Variants in NUP93 observed in about 807,000 individuals in gnomAD.
NUP93 encodes the protein nuclear pore complex protein Nup93.
Under a neutral mutation model 107.8 loss-of-function variants are expected in NUP93, and 55 were observed. That is an observed-to-expected ratio of 0.51 (90% CI 0.41 to 0.64). The LOEUF (loss-of-function observed/expected upper bound fraction) is 0.64, where lower values mean the gene tolerates loss of function less well. Among genes scored for constraint, NUP93 ranks in the 30% least tolerant of loss-of-function variants. NUP93 has a pLI of 0.00. For missense variants in NUP93, 937 were observed against 1,044.7 expected (o/e 0.90, Z 1.42); for synonymous variants, 390 against 397.5 (o/e 0.98, Z 0.22).
intron 1 of NUP93, among the ~76,000 whole-genome samples, chr16:56,733,234 C>G (rs1200796844): frequency 6.6e-6 from 1 of 152,080 alleles, no homozygotes; most frequent in Non-Finnish European, 1.5e-5. Context: ...CCCTTTATAG[C>G]TCTGTCAAAA....
At chr16:56,763,026 T>A (rs966803257) in intron 3 of NUP93, among the ~76,000 whole-genome samples, 10 of 152,220 alleles carry the variant, frequency 6.6e-5, no homozygotes, top group African/African-American at 2.2e-4. Context: ...TAAGGTCATA[T>A]TTACAAGGAC....
chr16:56,733,070 A>AT (rs1961559013), intron 1 of NUP93, among the ~76,000 whole-genome samples: 1 of 152,106 alleles, frequency 6.6e-6, no homozygotes, highest in Admixed American at 6.5e-5. Flanking sequence ...AGGGTTGGGG[A>AT]TGTGTTATAG....
rs943690985 is a variant in NUP93, at chr16:56,798,558, T to C, written c.360+20T>C. On this transcript the variant is annotated intron_variant, in intron 4 of 21. Transcript: ENST00000308159. ...AAGAGGGTAAGAAAATTAACCAAAA[T>C]GTAGATGTATACAGATGAGGGCAAG... 6.2e-7 allele frequency: 1 copy of C among 1,604,232 alleles called. No homozygotes were observed.
intron 2 of NUP93, among the ~76,000 whole-genome samples, chr16:56,756,905 T>A (rs1596774592): frequency 6.6e-6 from 1 of 152,174 alleles, no homozygotes; most frequent in Non-Finnish European, 1.5e-5. Context: ...GATATTGAGC[T>A]TTTTTTCATA....
chr16:56,834,043 C>G, intron 13 of NUP93, 85 bp from the exon 14 acceptor site: 1 of 1,577,040 alleles, frequency 6.3e-7, no homozygotes, highest in Non-Finnish European at 8.7e-7. Flanking sequence ...GCTGCTGGGT[C>G]TGTGGATTCA....
At chr16:56,771,141 T>A (rs1224960012) in intron 3 of NUP93, among the ~76,000 whole-genome samples, 1 of 152,140 alleles carries the variant, frequency 6.6e-6, no homozygotes, top group East Asian at 1.9e-4. Flanking sequence ...TTTGGAAGAT[T>A]TAGGGGGAAG....
In NUP93 at chr16:56,825,205, C is replaced by CTT. The variant is rs34378384; in HGVS notation, c.794+1381_794+1382dup. Among the ~76,000 whole-genome samples, 723 of 76,278 alleles carry CTT rather than the reference C, an allele frequency of 9.5e-3. 8 individuals carry two copies. Among genetic ancestry groups the CTT allele is most frequent in the African/African-American group, 0.02 (379 of 18,510 alleles). The allele number at this position is 76,278 out of a possible 152,430, so 50.0% of individuals were successfully genotyped here. On this transcript the variant is annotated intron_variant, in intron 8 of 21. Transcript: ENST00000308159. The stretch of plus-strand genomic sequence containing the variant: ...CTGAGGTGTGTGCTACCATACCCAG[C>CTT]TTTTTTTTTTTTTTTTTTTTTTTGA...
At chr16:56,812,191 G>T (rs1042075307) in intron 5 of NUP93, among the ~76,000 whole-genome samples, 3 of 152,106 alleles carry the variant, frequency 2.0e-5, no homozygotes, top group African/African-American at 7.2e-5. Context: ...TATAAAGAGA[G>T]GCTCAAAGCT....
intron 7 of NUP93, 35 bp from the exon 8 acceptor site, chr16:56,823,672 G>A (rs1451358256): frequency 6.2e-7 from 1 of 1,609,342 alleles, no homozygotes; most frequent in South Asian, 1.1e-5. Flanking sequence ...CTCTGGCCCT[G>A]CAGCATTGTC....
intron 1 of NUP93, among the ~76,000 whole-genome samples, chr16:56,745,229 C>T (rs1384559975): frequency 2.6e-5 from 4 of 151,954 alleles, no homozygotes; most frequent in South Asian, 2.1e-4. Context: ...AGAGGAAACA[C>T]GGAGTGCAAA....
In NUP93 at chr16:56,827,044, C is replaced by CAAAAAAAAAAAAAAAAAAAAAAAAAAA. The variant is rs1188027635; in HGVS notation, c.795-1908_795-1907insAAAAAAAAAAAAAAAAAAAAAAAAAAA. Reference sequence around the variant, plus strand: ...CTGGGGATGGAATGAGACTCCGTCTCAAAAAAAAAAAAAAAAAAAAAAAAA... The same window carrying CAAAAAAAAAAAAAAAAAAAAAAAAAAA: ...CTGGGGATGGAATGAGACTCCGTCTCAAAAAAAAAAAAAAAAAAAAAAAAAAAAAAAAAAAAAAAAAAAAAAAAAAAA... On this transcript the variant is annotated intron_variant, in intron 8 of 21. Transcript: ENST00000308159. 4.1e-4 allele frequency among the ~76,000 whole-genome samples: 22 copies of CAAAAAAAAAAAAAAAAAAAAAAAAAAA among 53,606 alleles called. 1 individual carries two copies. Among genetic ancestry groups the CAAAAAAAAAAAAAAAAAAAAAAAAAAA allele is most frequent in the South Asian group, 8.0e-4 (1 of 1,248 alleles). The allele number at this position is 53,606 out of a possible 152,430, so 35.2% of individuals were successfully genotyped here.
At position 56,771,335 on chromosome 16, in the gene NUP93, G is replaced by GT. The variant is rs1392795909; in HGVS notation, c.297+12682dup. Among the ~76,000 whole-genome samples, 9 of 152,310 alleles carry GT rather than the reference G, an allele frequency of 5.9e-5. No individual in the cohort carries two copies. The East Asian group carries it at 1.7e-3, about 29-fold the overall frequency. Reference sequence around the variant, plus strand: ...AAGAAATTGAGACTAAGATAGATTAGTTACTGTAAAAGGTGGAACTTGAAC... The same window carrying GT: ...AAGAAATTGAGACTAAGATAGATTAGTTTACTGTAAAAGGTGGAACTTGAAC... On this transcript the variant is annotated intron_variant, in intron 3 of 21. Coordinates refer to ENST00000308159, the MANE Select transcript of NUP93 (RefSeq NM_014669.5).
rs35518694 is a variant in NUP93 at position 56,738,945 on chromosome 16, C to CTTTTT, written c.-15+8746_-15+8750dup. Among the ~76,000 whole-genome samples, 16 of 131,844 alleles carry CTTTTT rather than the reference C, an allele frequency of 1.2e-4. 1 individual carries two copies. Among genetic ancestry groups the CTTTTT allele is most frequent in the African/African-American group, 2.9e-4 (10 of 34,858 alleles). The allele number at this position is 131,844 out of a possible 152,430, so 86.5% of individuals were successfully genotyped here. A position where few individuals can be genotyped will look rare whatever the true frequency, so the allele number is the denominator to read the frequency against. ...CTGCTTAAAATTAAATGCTAAATTT[C>CTTTTT]TTTTTTTTTTTTTTTTGCACCGCCC... is the stretch of plus-strand genomic sequence containing the variant. On this transcript the variant is annotated intron_variant, in intron 1 of 21. Transcript: ENST00000308159.
intron 1 of NUP93, among the ~76,000 whole-genome samples, chr16:56,734,943 G>T (rs1312065253): frequency 6.6e-6 from 1 of 152,122 alleles, no homozygotes; most frequent in Non-Finnish European, 1.5e-5. Flanking sequence ...TTTCTGACAC[G>T]GCTGTTGCCC....
chr16:56,768,002 G>GA (rs1457753940), intron 3 of NUP93, among the ~76,000 whole-genome samples: 5 of 152,022 alleles, frequency 3.3e-5, no homozygotes, highest in Admixed American at 6.5e-5. Flanking sequence ...GAATTACTAG[G>GA]AAAAAAAGAC....
At chr16:56,779,406 C>G (rs552553116) in intron 3 of NUP93, among the ~76,000 whole-genome samples, 5 of 152,090 alleles carry the variant, frequency 3.3e-5, no homozygotes, top group Non-Finnish European at 7.4e-5. Flanking sequence ...TTTCTTTTTG[C>G]TTTAGTTTTT....
At position 56,804,894 on chromosome 16, in the gene NUP93, A is replaced by C. The variant is rs558919926; in HGVS notation, c.361-610A>C. Among the ~76,000 whole-genome samples the C allele has an allele frequency of 1.3e-3, 201 of 151,696 alleles. 1 individual carries two copies. Among genetic ancestry groups the C allele is most frequent in the African/African-American group, 4.5e-3 (187 of 41,338 alleles). On this transcript the variant is annotated intron_variant, in intron 4 of 21. Transcript: ENST00000308159. ...GCGCTCCAGCCTGGGCGACAGAGTGAAACTCTGTCTCAAAAAAAAAAAAAA... is the reference window on the plus strand; with the variant it reads ...GCGCTCCAGCCTGGGCGACAGAGTGCAACTCTGTCTCAAAAAAAAAAAAAA...
At chr16:56,772,716 T>A (rs766874449) in intron 3 of NUP93, among the ~76,000 whole-genome samples, 4 of 152,272 alleles carry the variant, frequency 2.6e-5, no homozygotes, top group Non-Finnish European at 5.9e-5. Flanking sequence ...TAGTTTTATT[T>A]GTCTAGCCAG....
At chr16:56,758,686 G>A (rs767773471) in intron 3 of NUP93, 31 bp downstream of exon 3, 1 of 1,507,034 alleles carries the variant, frequency 6.6e-7, no homozygotes. Flanking sequence ...GTGGAACCCA[G>A]AGCATATAAC....
Sources: allele counts gnomAD v4.1 joint callset (sites outside exome capture counted in the v4.1 genomes callset), GRCh38; gene constraint gnomAD v4.1.1; transcripts MANE v1.5; gene names NCBI Gene and HGNC (gene_info 2026-07-23, HGNC 2026-07-21).